Variants in LRGUK observed in about 807,000 individuals in gnomAD.
The protein encoded by LRGUK is leucine rich repeats and guanylate kinase domain containing, also known as leucine-rich repeat and guanylate kinase domain-containing protein.
A neutral mutation model predicts 76.0 loss-of-function variants in LRGUK; 65 were observed. That is an observed-to-expected ratio of 0.85 (90% confidence interval 0.70 to 1.05). The LOEUF is 1.05. Among genes scored for constraint, LRGUK ranks in the 50% least tolerant of loss-of-function variants. The pLI is 0.00. For synonymous variants in LRGUK, 268 were observed against 265.6 expected (o/e 1.01, Z -0.09); for missense variants, 758 against 732.8 (o/e 1.03, Z -0.40).
chr7:134,150,652 T>C (rs942185431), intron 5 of LRGUK, among the ~76,000 whole-genome samples: 2 of 152,210 alleles, frequency 1.3e-5, no homozygotes, highest in African/African-American at 4.8e-5. Flanking sequence ...AAACATTCTA[T>C]GTTTTGGCAT....
chr7:134,174,013 G>A (rs1799374172), intron 7 of LRGUK, among the ~76,000 whole-genome samples: 1 of 151,734 alleles, frequency 6.6e-6, no homozygotes, highest in Admixed American at 6.6e-5. Flanking sequence ...GGAGGCTGAG[G>A]CAGGAGAATC....
chr7:134,141,252 C>T (rs17167481), intron 3 of LRGUK, among the ~76,000 whole-genome samples: 19,431 of 152,142 alleles, frequency 0.13, 1,532 homozygotes, highest in East Asian at 0.33. Flanking sequence ...TCTCCTGGTG[C>T]AGGCCAAACT....
At chr7:134,241,989 G>C (rs1802168907) in intron 16 of LRGUK, among the ~76,000 whole-genome samples, 1 of 152,166 alleles carries the variant, frequency 6.6e-6, no homozygotes, top group Admixed American at 6.5e-5. Context: ...CAGAAATAAA[G>C]ATGTTCTTTG....
At chr7:134,258,973 T>G (rs968831902) in intron 19 of LRGUK, among the ~76,000 whole-genome samples, 2 of 152,178 alleles carry the variant, frequency 1.3e-5, no homozygotes, top group African/African-American at 4.8e-5. Flanking sequence ...GGCCACATTA[T>G]CTGCAGCGGT....
intron 8 of LRGUK, among the ~76,000 whole-genome samples, chr7:134,175,250 T>G (rs142428435): frequency 3.3e-5 from 5 of 152,316 alleles, no homozygotes; most frequent in Non-Finnish European, 7.3e-5. Flanking sequence ...CCCTCTCTCC[T>G]TGTCTGTTTG....
chr7:134,170,296 T>C (rs1307949571), intron 7 of LRGUK, among the ~76,000 whole-genome samples: 1 of 152,096 alleles, frequency 6.6e-6, no homozygotes, highest in Non-Finnish European at 1.5e-5. Context: ...CCCTTTATTA[T>C]TTTTAAAATT....
chr7:134,158,079 C>G, exon 6 of LRGUK: 2 of 1,612,824 alleles, frequency 1.2e-6, no homozygotes, highest in Non-Finnish European at 1.7e-6. Flanking sequence ...GTGCAACAAC[C>G]TAATTCACCT....
chr7:134,148,756 C>T (rs1798083141), intron 5 of LRGUK, among the ~76,000 whole-genome samples: 1 of 152,118 alleles, frequency 6.6e-6, no homozygotes, highest in Non-Finnish European at 1.5e-5. Context: ...GGAAACCCTG[C>T]CTCTACTAAA....
intron 15 of LRGUK, among the ~76,000 whole-genome samples, chr7:134,216,477 G>A (rs1438868166): frequency 6.6e-6 from 1 of 152,160 alleles, no homozygotes; most frequent in Admixed American, 6.5e-5. Context: ...ATTGCAGTTT[G>A]GAGAAGTGAG....
At chr7:134,151,244 A>G (rs1653698671) in intron 5 of LRGUK, among the ~76,000 whole-genome samples, 1 of 152,128 alleles carries the variant, frequency 6.6e-6, no homozygotes, top group South Asian at 2.1e-4. Flanking sequence ...GAAAATATTA[A>G]AACAGTTTGA....
At chr7:134,259,967 G>A (rs2117228667) in intron 19 of LRGUK, among the ~76,000 whole-genome samples, 1 of 152,174 alleles carries the variant, frequency 6.6e-6, no homozygotes, top group South Asian at 2.1e-4. Context: ...GATGCTTAGG[G>A]TCAAATACCT....
intron 19 of LRGUK, among the ~76,000 whole-genome samples, chr7:134,262,776 T>C (rs1424280757): frequency 6.6e-6 from 1 of 152,140 alleles, no homozygotes; most frequent in Non-Finnish European, 1.5e-5. Flanking sequence ...AACGTTAGCC[T>C]GGCCAACATG....
At chr7:134,212,265 G>A (rs2117132046), downstream of LRGUK, among the ~76,000 whole-genome samples, 1 of 152,272 alleles carries the variant, frequency 6.6e-6, no homozygotes, top group South Asian at 2.1e-4. Flanking sequence ...TCCTATGTAT[G>A]GACACTATAC....
At chr7:134,233,831 C>T (rs1558996) in intron 16 of LRGUK, among the ~76,000 whole-genome samples, 7,887 of 152,224 alleles carry the variant, frequency 0.052, 455 homozygotes, top group East Asian at 0.15. Context: ...CTCTGCTCTT[C>T]GTGTCTAATT....
intron 7 of LRGUK, among the ~76,000 whole-genome samples, chr7:134,174,303 G>A (rs1799390710): frequency 6.6e-6 from 1 of 152,198 alleles, no homozygotes; most frequent in Middle Eastern, 3.4e-3. Flanking sequence ...ACATGGATAA[G>A]AGGAGGAAAC....
At chr7:134,187,085 A>G (rs1484962164) in intron 11 of LRGUK, among the ~76,000 whole-genome samples, 1 of 152,202 alleles carries the variant, frequency 6.6e-6, no homozygotes, top group Admixed American at 6.6e-5. Context: ...AAGACTATGC[A>G]TCGGATGGAA....
At chr7:134,208,679 T>C (rs555570154) in intron 15 of LRGUK, 25 of 398,782 alleles carry the variant, frequency 6.3e-5, no homozygotes, top group African/African-American at 3.9e-4. Context: ...CTTCTGTTTA[T>C]AGTTAATTTC....
chr7:134,197,242 G>A (rs148162837), intron 13 of LRGUK, 137 bp downstream of exon 13: 245 of 550,092 alleles, frequency 4.5e-4, no homozygotes, highest in African/African-American at 4.0e-3. Flanking sequence ...GGGTACATGC[G>A]TTAATGTATA....
At chr7:134,213,544 T>C (rs1801351955), downstream of LRGUK, among the ~76,000 whole-genome samples, 1 of 152,238 alleles carries the variant, frequency 6.6e-6, no homozygotes, top group Non-Finnish European at 1.5e-5. Context: ...TTAAAATTGC[T>C]TTTAGAAATG....
Sources: allele counts gnomAD v4.1 joint callset (sites outside exome capture counted in the v4.1 genomes callset), GRCh38; gene constraint gnomAD v4.1.1; transcripts MANE v1.5; gene names NCBI Gene and HGNC (gene_info 2026-07-23, HGNC 2026-07-21).